The following DPP10 variants were observed in gnomAD, a reference collection of about 807,000 sequenced individuals.
DPP10 encodes the protein inactive dipeptidyl peptidase 10.
Under a neutral mutation model 120.9 loss-of-function variants are expected in DPP10, and 33 were observed. That is an observed-to-expected ratio of 0.27 (90% confidence interval 0.21 to 0.37). DPP10 has a LOEUF of 0.37. Among genes scored for constraint, DPP10 ranks in the 10% least tolerant of loss-of-function variants. DPP10 has a pLI of 1.00. For synonymous variants in DPP10, 337 were observed against 326.1 expected (o/e 1.03, Z -0.36); for missense variants, 816 against 942.8 (o/e 0.87, Z 1.76).
chr2:115,569,522 A>C (rs933586969), intron 5 of DPP10, among the ~76,000 whole-genome samples: 3 of 152,260 alleles, frequency 2.0e-5, no homozygotes, highest in Non-Finnish European at 4.4e-5. Context: ...AGAATTCATT[A>C]ATAAAAGAGT....
chr2:114,929,833 G>A (rs1242363053), intron 1 of DPP10, among the ~76,000 whole-genome samples: 2 of 152,172 alleles, frequency 1.3e-5, no homozygotes, highest in Non-Finnish European at 2.9e-5. Context: ...AGTGATAAAT[G>A]TCCATGAAAT....
At chr2:115,190,963 G>T (rs1446713355) in intron 1 of DPP10, among the ~76,000 whole-genome samples, 1 of 152,188 alleles carries the variant, frequency 6.6e-6, no homozygotes, top group Non-Finnish European at 1.5e-5. Context: ...AACAAGAGAA[G>T]GTTTGGTTAG....
chr2:114,639,154 G>T (rs757337502), intron 1 of DPP10, among the ~76,000 whole-genome samples: 6 of 151,912 alleles, frequency 3.9e-5, no homozygotes, highest in African/African-American at 4.9e-5. Context: ...TTGACTCACA[G>T]TTCCACATGG....
intron 1 of DPP10, among the ~76,000 whole-genome samples, chr2:114,591,869 A>T (rs1387907651): frequency 6.6e-6 from 1 of 152,082 alleles, no homozygotes; most frequent in Non-Finnish European, 1.5e-5. Flanking sequence ...TTCTATGTTG[A>T]CTTTATACAG....
At chr2:115,326,951 T>C (rs2062402720) in intron 2 of DPP10, among the ~76,000 whole-genome samples, 3 of 152,058 alleles carry the variant, frequency 2.0e-5, no homozygotes, top group Admixed American at 1.3e-4. Flanking sequence ...AAGTCTACAG[T>C]AGTGTGCAGT....
At chr2:115,418,530 G>T (rs1324618471) in intron 3 of DPP10, among the ~76,000 whole-genome samples, 1 of 152,130 alleles carries the variant, frequency 6.6e-6, no homozygotes, top group Non-Finnish European at 1.5e-5. Flanking sequence ...TAGCACTTTG[G>T]GAAGCTGAGG....
At chr2:114,543,016 A>T (rs1687075014) in intron 1 of DPP10, among the ~76,000 whole-genome samples, 1 of 152,192 alleles carries the variant, frequency 6.6e-6, no homozygotes, top group Non-Finnish European at 1.5e-5. Flanking sequence ...TTCCAAGTTA[A>T]TAGAATACAA....
At chr2:115,704,471 C>T (rs1315893475) in intron 7 of DPP10, among the ~76,000 whole-genome samples, 1 of 151,862 alleles carries the variant, frequency 6.6e-6, no homozygotes, top group African/African-American at 2.4e-5. Flanking sequence ...TTTTCTCTCT[C>T]ATTTGTTTTT....
At chr2:115,133,237 G>C (rs752918512) in intron 1 of DPP10, among the ~76,000 whole-genome samples, 13 of 141,480 alleles carry the variant, frequency 9.2e-5, no homozygotes, top group Admixed American at 2.9e-4. Flanking sequence ...GGAGTGCAGT[G>C]GTGAAATCTC....
At chr2:114,452,287 C>T (rs1471150860) in intron 1 of DPP10, among the ~76,000 whole-genome samples, 3 of 152,174 alleles carry the variant, frequency 2.0e-5, no homozygotes, top group Admixed American at 2.0e-4. Context: ...CTTCCTCATT[C>T]TCTGATTACA....
chr2:114,819,690 C>T (rs917057928), intron 1 of DPP10, among the ~76,000 whole-genome samples: 4 of 152,178 alleles, frequency 2.6e-5, no homozygotes, highest in African/African-American at 9.6e-5. Context: ...CTAGACCTTG[C>T]AGATTGGTTC....
intron 1 of DPP10, among the ~76,000 whole-genome samples, chr2:114,571,891 T>C (rs1689679838): frequency 6.7e-6 from 1 of 148,538 alleles, no homozygotes; most frequent in Admixed American, 6.8e-5. Flanking sequence ...TAGTATATAA[T>C]ACAATATTTA....
At chr2:114,821,143 T>A (rs1029825187) in intron 1 of DPP10, among the ~76,000 whole-genome samples, 1 of 152,146 alleles carries the variant, frequency 6.6e-6, no homozygotes, top group Admixed American at 6.5e-5. Flanking sequence ...TGGTGTCTGA[T>A]TTGCATAGGG....
chr2:115,223,280 G>A (rs998471774), intron 1 of DPP10, among the ~76,000 whole-genome samples: 15 of 152,062 alleles, frequency 9.9e-5, no homozygotes, highest in Admixed American at 8.5e-4. Flanking sequence ...TGAGGCCACT[G>A]TGCCACCAGG....
At chr2:114,537,971 A>G (rs554773222) in intron 1 of DPP10, among the ~76,000 whole-genome samples, 1 of 152,360 alleles carries the variant, frequency 6.6e-6, no homozygotes, top group South Asian at 2.1e-4. Context: ...AGTTCTCTTA[A>G]GAGGACACAG....
intron 5 of DPP10, among the ~76,000 whole-genome samples, chr2:115,607,227 A>G (rs1268701511): frequency 6.6e-6 from 1 of 152,244 alleles, no homozygotes; most frequent in Non-Finnish European, 1.5e-5. Context: ...GCAAAGGCAT[A>G]ACTATGAGAG....
chr2:114,618,387 C>T lies in DPP10; in HGVS notation c.60+175549C>T, dbSNP rs117358353. Among the ~76,000 whole-genome samples, 187 of 152,116 alleles carry T rather than the reference C, an allele frequency of 1.2e-3. 4 individuals are homozygous for T. In the East Asian group the frequency reaches 0.025, roughly 21 times the overall value. On this transcript the variant is annotated intron_variant, in intron 1 of 25. Coordinates refer to ENST00000410059, the MANE Select transcript of DPP10 (RefSeq NM_020868.6). ...AAGTACACAGGTCTCTCTCTCAACA[C>T]AGAGGTCAGAAAAGTAAGGTTTTTC...
At chr2:115,164,495 T>C (rs2052680412) in intron 1 of DPP10, among the ~76,000 whole-genome samples, 1 of 152,190 alleles carries the variant, frequency 6.6e-6, no homozygotes. Context: ...TATGAAATTT[T>C]ACCTAGTGGT....
rs553432424 is a variant in DPP10, at chr2:115,637,680, C to T, written c.442-52007C>T. Among the ~76,000 whole-genome samples the T allele has an allele frequency of 5.9e-5, 9 of 152,124 alleles. No homozygotes were observed. The East Asian group carries it at 9.7e-4, about 16-fold the overall frequency. On this transcript the variant is annotated intron_variant, in intron 5 of 25. Transcript: ENST00000410059. ...TCTTATTGAATTTATGAGTGAGCCC[C>T]GAAATAGAACATGTTTCATAGGCAT...
Sources: allele counts gnomAD v4.1 joint callset (sites outside exome capture counted in the v4.1 genomes callset), GRCh38; gene constraint gnomAD v4.1.1; transcripts MANE v1.5; gene names NCBI Gene and HGNC (gene_info 2026-07-23, HGNC 2026-07-21).